SEC14L2: variants seen among roughly 807,000 people sequenced by gnomAD.
SEC14L2 encodes SEC14 like lipid binding 2, also known as SEC14-like protein 2.
SEC14L2 carries 50 observed loss-of-function variants against 56.9 expected under a neutral mutation model. That is an observed-to-expected ratio of 0.88 (90% CI 0.70 to 1.11). The LOEUF is 1.11. Ranked by LOEUF, SEC14L2 falls within the 50% of genes most tolerant of loss-of-function variation. The pLI is 0.00. For missense variants in SEC14L2, 414 were observed against 500.7 expected, an observed-to-expected ratio of 0.83 and a Z score of 1.65; for synonymous variants, 179 against 188.5, an observed-to-expected ratio of 0.95 and a Z score of 0.41.
At chr22:30,406,058 A>G (rs907704605) in intron 2 of SEC14L2, among the ~76,000 whole-genome samples, 1 of 152,042 alleles carries the variant, frequency 6.6e-6, no homozygotes, top group African/African-American at 2.4e-5. Flanking sequence ...CTTTAAGTTG[A>G]TTATAACCAC....
chr22:30,407,438 G>C lies in SEC14L2; in HGVS notation c.258G>C (p.Gly86=). ...PPEVIQQYLS[G]GMCGYDLDGC... The stretch of plus-strand genomic sequence containing the variant: ...AGGTGATCCAACAGTATCTGTCAGG[G>C]GGTATGTGTGGCTATGACCTGGATG... Residue 86 remains glycine (G), a synonymous_variant, in exon 5 of 12, where the codon GGG becomes GGC. Coordinates refer to ENST00000615189, the MANE Select transcript of SEC14L2 (RefSeq NM_012429.5). The C allele has an allele frequency of 1.2e-6, 2 of 1,614,072 alleles. No individual in the cohort carries two copies. Among genetic ancestry groups the C allele is most frequent in the Non-Finnish European group, 1.7e-6 (2 of 1,179,976 alleles).
At position 30,423,955 on chromosome 22, in the gene SEC14L2, G is replaced by C. The variant is rs902322654; in HGVS notation, c.*1548G>C. ...GCAGCCGTTTCACGCCAATAGATAGGGCGCATGCGCAGAAATCCTCCTCGG... is the reference window on the plus strand; with the variant it reads ...GCAGCCGTTTCACGCCAATAGATAGCGCGCATGCGCAGAAATCCTCCTCGG... On this transcript the variant is annotated 3_prime_UTR_variant, in exon 12 of 12. Transcript: ENST00000615189. 1 of 152,256 alleles carries C rather than the reference G, an allele frequency of 6.6e-6. No individual in the cohort carries two copies. The highest frequency in any genetic ancestry group is 2.4e-5 in the African/African-American group (1 of 41,462). The allele number at this position is 152,256 out of a possible 1,614,324, so 9.4% of individuals were successfully genotyped here.
chr22:30,408,345 C>T (rs1934155375), intron 5 of SEC14L2, among the ~76,000 whole-genome samples: 2 of 151,876 alleles, frequency 1.3e-5, no homozygotes, highest in Admixed American at 1.3e-4. Context: ...CCTGTAATCC[C>T]AGCACTTTGG....
In SEC14L2 at chr22:30,411,761, A is replaced by AAAAAAAAAAAAG. The variant is rs1555997934; in HGVS notation, c.664+1082_664+1083insAAAAAAAAAAAG. The stretch of plus-strand genomic sequence containing the variant: ...CCGTCTCAAAAAAAAAAAAAAAAAA[A>AAAAAAAAAAAAG]GGGGTCCCTTGAAGGTCTTTTGGCC... On this transcript the variant is annotated intron_variant, in intron 8 of 11. Transcript: ENST00000615189. 7.8e-3 allele frequency among the ~76,000 whole-genome samples: 1,106 copies of AAAAAAAAAAAAG among 142,502 alleles called. 39 individuals are homozygous for AAAAAAAAAAAAG. The highest frequency in any genetic ancestry group is 0.028 in the African/African-American group (1,028 of 37,324). The allele number at this position is 142,502 out of a possible 152,430, so 93.5% of individuals were successfully genotyped here.
At position 30,405,019 on chromosome 22, in the gene SEC14L2, G is replaced by A. The variant is rs573502539; in HGVS notation, c.131-1323G>A. 2.2e-4 allele frequency among the ~76,000 whole-genome samples: 33 copies of A among 151,848 alleles called. 3 individuals are homozygous for A. The South Asian group carries it at 6.9e-3, about 32-fold the overall frequency. ...CGGGAGGCAGAGGTTGCAGTGAGCT[G>A]AGATTGCACCATTACACTCCAGCCT... is the stretch of plus-strand genomic sequence containing the variant. On this transcript the variant is annotated intron_variant, in intron 2 of 11. Coordinates refer to ENST00000615189, the MANE Select transcript of SEC14L2 (RefSeq NM_012429.5).
At chr22:30,419,198 A>G (rs1934455379) in intron 11 of SEC14L2, among the ~76,000 whole-genome samples, 1 of 151,486 alleles carries the variant, frequency 6.6e-6, no homozygotes, top group Non-Finnish European at 1.5e-5. Flanking sequence ...TTTGCCAATG[A>G]CTCTCCCAGT....
In SEC14L2 at chr22:30,424,447, A is replaced by C; in HGVS notation, c.*2040A>C. ...TAGGGCTGAAAGCGGGGGCCTCCGT[A>C]GGGAGCCAGCGGGGGCCTCAATAGT... On this transcript the variant is annotated 3_prime_UTR_variant, in exon 12 of 12. Coordinates refer to ENST00000615189, the MANE Select transcript of SEC14L2 (RefSeq NM_012429.5). 1 of 341,222 alleles carries C rather than the reference A, an allele frequency of 2.9e-6. No individual in the cohort carries two copies. The highest frequency in any genetic ancestry group is 2.3e-5 in the South Asian group (1 of 43,436). The allele number at this position is 341,222 out of a possible 1,614,324, so 21.1% of individuals were successfully genotyped here.
intron 2 of SEC14L2, among the ~76,000 whole-genome samples, chr22:30,401,552 C>T (rs904726789): frequency 2.1e-5 from 3 of 144,602 alleles, no homozygotes; most frequent in South Asian, 2.3e-4. Flanking sequence ...CTCACTCTGT[C>T]GCCCAGGCTG....
intron 2 of SEC14L2, among the ~76,000 whole-genome samples, chr22:30,400,988 C>T (rs1177273718): frequency 2.1e-5 from 3 of 144,400 alleles, no homozygotes; most frequent in Non-Finnish European, 4.5e-5. Context: ...AGGCTGGTCT[C>T]GAACTCCTGG....
intron 2 of SEC14L2, among the ~76,000 whole-genome samples, chr22:30,402,326 G>T (rs1450680827): frequency 1.3e-5 from 2 of 152,182 alleles, no homozygotes. Context: ...CATGGTTTCT[G>T]AGAGCCACTG....
chr22:30,405,584 T>C (rs562318165), intron 2 of SEC14L2, among the ~76,000 whole-genome samples: 3 of 152,258 alleles, frequency 2.0e-5, no homozygotes, highest in East Asian at 1.9e-4. Flanking sequence ...TTTGAGGACA[T>C]GACAAGGTTG....
chr22:30,419,511 C>T (rs1183802657), intron 11 of SEC14L2, among the ~76,000 whole-genome samples: 1 of 152,178 alleles, frequency 6.6e-6, no homozygotes, highest in African/African-American at 2.4e-5. Flanking sequence ...CCACTGCACT[C>T]CAACCTGGGT....
rs35984615 is a variant in SEC14L2, at chr22:30,410,600, C to G, written c.585C>G (p.Pro195=). 41 of 1,614,022 alleles carry G rather than the reference C, an allele frequency of 2.5e-5. No individual in the cohort carries two copies. The highest frequency in any genetic ancestry group is 2.5e-5 in the Non-Finnish European group (29 of 1,179,964). Residue 195 remains proline, a synonymous_variant, in exon 8 of 12, where the codon CCC becomes CCG. Coordinates refer to ENST00000615189, the MANE Select transcript of SEC14L2 (RefSeq NM_012429.5). ...ATTATCTGGTCTCTGTTCCAGCCCC[C>G]AAACTGTTTCCTGTGGCCTATAACC... ...TLKRLFVVKA[P]KLFPVAYNLI...
intron 1 of SEC14L2, chr22:30,398,547 T>G: frequency 1.0e-5 from 4 of 386,158 alleles, no homozygotes; most frequent in Non-Finnish European, 2.2e-5. Flanking sequence ...GGCTGTCCAT[T>G]GAGGTCACTG....
chr22:30,423,829 G>A lies in SEC14L2; in HGVS notation c.*1422G>A, dbSNP rs1032443648. The stretch of plus-strand genomic sequence containing the variant: ...AAAATTAACCAATGAATAAAGCAAC[G>A]TTCAGTGCGCAGGGAGTGAAATTCA... On this transcript the variant is annotated 3_prime_UTR_variant, in exon 12 of 12. Transcript: ENST00000615189. 4 of 152,322 alleles carry A rather than the reference G, an allele frequency of 2.6e-5. No homozygotes were observed. The highest frequency in any genetic ancestry group is 9.6e-5 in the African/African-American group (4 of 41,464). 9.4% of individuals were successfully genotyped at this position (152,322 alleles called of 1,614,324 possible). A position where few individuals can be genotyped will look rare whatever the true frequency, so the allele number is the denominator to read the frequency against.
In SEC14L2 at chr22:30,416,023, C is replaced by T. The variant is rs1340534987; in HGVS notation, c.847C>T (p.Gln283Ter). 5 of 1,614,254 alleles carry T rather than the reference C, an allele frequency of 3.1e-6. No individual in the cohort carries two copies. The highest frequency in any genetic ancestry group is 3.4e-6 in the Non-Finnish European group (4 of 1,180,050). The change falls in exon 10 of 12, where the codon CAG becomes TAG. Residue 283 changes from glutamine to a stop codon, truncating the protein, a stop_gained. Coordinates refer to ENST00000615189, the MANE Select transcript of SEC14L2 (RefSeq NM_012429.5). LOFTEE classifies it high-confidence loss of function. ...GAAACAGCAGTATGAACACAGCGTG[C>T]AGATTTCCCGTGGCTCCTCCCACCA... ...QVKQQYEHSV[Q>*]ISRGSSHQVE... is the part of the protein sequence containing the mutation.
At chr22:30,408,338 G>A (rs1486857811) in intron 5 of SEC14L2, among the ~76,000 whole-genome samples, 2 of 152,118 alleles carry the variant, frequency 1.3e-5, no homozygotes, top group East Asian at 3.9e-4. Flanking sequence ...GCTCATGCCT[G>A]TAATCCCAGC....
chr22:30,413,131 T>C (rs1934296842), intron 8 of SEC14L2, among the ~76,000 whole-genome samples: 1 of 152,160 alleles, frequency 6.6e-6, no homozygotes. Context: ...AGCTAAAACC[T>C]TGTCAGTACG....
intron 1 of SEC14L2, among the ~76,000 whole-genome samples, chr22:30,398,130 T>C (rs958968563): frequency 6.6e-6 from 1 of 152,152 alleles, no homozygotes; most frequent in African/African-American, 2.4e-5. Flanking sequence ...ACCAGCTCCA[T>C]AAAGCCTCTG....
Sources: allele counts gnomAD v4.1 joint callset (sites outside exome capture counted in the v4.1 genomes callset), GRCh38; gene constraint gnomAD v4.1.1; transcripts MANE v1.5; gene names NCBI Gene and HGNC (gene_info 2026-07-23, HGNC 2026-07-21).